The following TMEM132B variants were observed in gnomAD, a reference collection of about 807,000 sequenced individuals.
TMEM132B encodes the protein transmembrane protein 132B.
In TMEM132B, 18 loss-of-function variants were observed where a neutral mutation model predicts 90.8. The observed-to-expected ratio is 0.20, with a 90% CI of 0.14 to 0.29. The LOEUF is 0.29. TMEM132B is among the 10% of genes least tolerant of loss of function. The probability of loss-of-function intolerance (pLI) is 1.00; values close to 1 mark genes in which losing one functional copy is unlikely to be tolerated. For synonymous variants in TMEM132B, 504 were observed against 523.3 expected (o/e 0.96, Z 0.50); for missense variants, 1,096 against 1,326.8 (o/e 0.83, Z 2.70).
At chr12:125,622,471 A>G (rs2136972549) in intron 5 of TMEM132B, 1 of 985,388 alleles carries the variant, frequency 1.0e-6, no homozygotes, top group Middle Eastern at 5.2e-4. Context: ...TTTCCAACCA[A>G]CCTTTCCTGT....
At chr12:125,602,144 G>A (rs1885586834) in intron 5 of TMEM132B, among the ~76,000 whole-genome samples, 1 of 152,128 alleles carries the variant, frequency 6.6e-6, no homozygotes, top group South Asian at 2.1e-4. Context: ...ACCCAAACCT[G>A]GCAGAGACAC....
At chr12:125,353,788 T>G (rs1877675341) in intron 2 of TMEM132B, among the ~76,000 whole-genome samples, 1 of 151,964 alleles carries the variant, frequency 6.6e-6, no homozygotes, top group Admixed American at 6.6e-5. Flanking sequence ...GAGCTAAGGG[T>G]TAATTTAGGG....
intron 4 of TMEM132B, among the ~76,000 whole-genome samples, chr12:125,575,452 TCCAAACA>T (rs1376976613): frequency 1.4e-4 from 22 of 151,970 alleles, no homozygotes; most frequent in African/African-American, 3.9e-4. Flanking sequence ...CTGCATATAT[TCCAAACA>T]TTAGACCCTT....
chr12:125,508,255 A>G (rs1882894971), intron 3 of TMEM132B, among the ~76,000 whole-genome samples: 1 of 152,308 alleles, frequency 6.6e-6, no homozygotes, highest in East Asian at 1.9e-4. Flanking sequence ...CTCTAGGTGA[A>G]TGTGAGCACT....
intron 5 of TMEM132B, among the ~76,000 whole-genome samples, chr12:125,635,323 G>A (rs925344698): frequency 6.6e-6 from 1 of 151,834 alleles, no homozygotes; most frequent in Non-Finnish European, 1.5e-5. Context: ...CCCAGTGTGT[G>A]ATGTTCCCCT....
At chr12:125,606,226 TAAAATATGAATG>T (rs1348760985) in intron 5 of TMEM132B, among the ~76,000 whole-genome samples, 3 of 151,868 alleles carry the variant, frequency 2.0e-5, no homozygotes, top group Non-Finnish European at 4.4e-5. Context: ...CTCCATGAGT[TAAAATATGAATG>T]AAAAGGTGAA....
chr12:125,355,415 T>C (rs1052653062), intron 2 of TMEM132B, among the ~76,000 whole-genome samples: 1 of 152,048 alleles, frequency 6.6e-6, no homozygotes, highest in Non-Finnish European at 1.5e-5. Flanking sequence ...GGGAGCACAG[T>C]TGGCTTTCTC....
chr12:125,525,476 TTC>T (rs2136676335), intron 4 of TMEM132B, among the ~76,000 whole-genome samples: 1 of 152,332 alleles, frequency 6.6e-6, no homozygotes, highest in East Asian at 1.9e-4. Flanking sequence ...GACATGGTGT[TTC>T]GTCCTCCCTG....
chr12:125,553,677 GGAGAATATTTTAAT>G (rs1884296987), intron 4 of TMEM132B, among the ~76,000 whole-genome samples: 2 of 152,190 alleles, frequency 1.3e-5, no homozygotes, highest in South Asian at 4.1e-4. Context: ...AATCACATAG[GGAGAATATTTTAAT>G]TCTCTTTCAA....
chr12:125,502,844 G>A (rs1440804975), intron 3 of TMEM132B, among the ~76,000 whole-genome samples: 1 of 152,222 alleles, frequency 6.6e-6, no homozygotes, highest in Non-Finnish European at 1.5e-5. Flanking sequence ...CCCAGACAAA[G>A]AGTATAAGTT....
intron 1 of TMEM132B, among the ~76,000 whole-genome samples, chr12:125,281,070 G>A (rs1875154867): frequency 6.6e-6 from 1 of 152,226 alleles, no homozygotes; most frequent in African/African-American, 2.4e-5. Context: ...TTGGCCTTGG[G>A]GTGGAGAGGG....
At chr12:125,534,113 G>C (rs866026793) in intron 4 of TMEM132B, among the ~76,000 whole-genome samples, 19 of 152,124 alleles carry the variant, frequency 1.2e-4, no homozygotes, top group African/African-American at 4.6e-4. Context: ...TCTTTATTAA[G>C]GGCTAGGTCC....
chr12:125,518,322 C>T (rs563740560), intron 3 of TMEM132B, among the ~76,000 whole-genome samples: 1 of 152,262 alleles, frequency 6.6e-6, no homozygotes, highest in South Asian at 2.1e-4. Context: ...TTCAAAACTC[C>T]ACACAGGTTG....
intron 2 of TMEM132B, among the ~76,000 whole-genome samples, chr12:125,365,383 C>T (rs1421155470): frequency 1.3e-5 from 2 of 152,052 alleles, no homozygotes; most frequent in Non-Finnish European, 1.5e-5. Flanking sequence ...GTTAAAAACC[C>T]TCGAAGAGAA....
At chr12:125,444,382 A>G (rs1880949903) in intron 3 of TMEM132B, among the ~76,000 whole-genome samples, 1 of 152,054 alleles carries the variant, frequency 6.6e-6, no homozygotes. Context: ...TTAATATTTT[A>G]TTATAGCTGT....
At chr12:125,289,487 G>C (rs1875472177) in intron 1 of TMEM132B, among the ~76,000 whole-genome samples, 1 of 152,142 alleles carries the variant, frequency 6.6e-6, no homozygotes, top group Non-Finnish European at 1.5e-5. Context: ...GGTGAAGCTG[G>C]GATTTGAAAC....
intron 3 of TMEM132B, among the ~76,000 whole-genome samples, chr12:125,457,058 T>C (rs1881310643): frequency 6.6e-6 from 1 of 152,146 alleles, no homozygotes; most frequent in Non-Finnish European, 1.5e-5. Context: ...TGGGCTCTGC[T>C]GCCTGCAACC....
chr12:125,629,878 C>T (rs1782020366), intron 5 of TMEM132B, among the ~76,000 whole-genome samples: 1 of 152,106 alleles, frequency 6.6e-6, no homozygotes, highest in Non-Finnish European at 1.5e-5. Context: ...GATTCTTTTT[C>T]AGCATCAGTT....
intron 2 of TMEM132B, among the ~76,000 whole-genome samples, chr12:125,383,621 T>C (rs563480499): frequency 6.6e-6 from 1 of 152,346 alleles, no homozygotes; most frequent in South Asian, 2.1e-4. Flanking sequence ...TCAATCCCTA[T>C]CTTCTTTAAG....
Sources: allele counts gnomAD v4.1 joint callset (sites outside exome capture counted in the v4.1 genomes callset), GRCh38; gene constraint gnomAD v4.1.1; transcripts MANE v1.5; gene names NCBI Gene and HGNC (gene_info 2026-07-23, HGNC 2026-07-21).